The following EYA4 variants were observed in gnomAD, a reference collection of about 807,000 sequenced individuals.
The protein encoded by EYA4 is EYA transcriptional coactivator and phosphatase 4.
A neutral mutation model predicts 87.9 loss-of-function variants in EYA4; 31 were observed. That is an observed-to-expected ratio of 0.35 (90% confidence interval 0.27 to 0.48). EYA4 has a LOEUF of 0.48. EYA4 is among the 20% of genes least tolerant of loss of function. EYA4 has a pLI of 0.99. For synonymous variants in EYA4, 263 were observed against 270.6 expected, an observed-to-expected ratio of 0.97 and a Z score of 0.28; for missense variants, 678 against 761.4, an observed-to-expected ratio of 0.89 and a Z score of 1.29.
intron 1 of EYA4, among the ~76,000 whole-genome samples, chr6:133,259,431 G>T (rs984026602): frequency 3.9e-5 from 6 of 152,110 alleles, no homozygotes; most frequent in African/African-American, 1.4e-4. Flanking sequence ...AAGGTCTTTG[G>T]ATTTTTAGAA....
At chr6:133,451,925 A>G (rs556074269) in intron 5 of EYA4, among the ~76,000 whole-genome samples, 30 of 152,158 alleles carry the variant, frequency 2.0e-4, no homozygotes, top group Admixed American at 1.0e-3. Context: ...CAATAGAGCT[A>G]CCTACTGCTG....
intron 2 of EYA4, among the ~76,000 whole-genome samples, chr6:133,309,511 A>G (rs1780056823): frequency 6.6e-6 from 1 of 152,214 alleles, no homozygotes; most frequent in Non-Finnish European, 1.5e-5. Flanking sequence ...CCTTCTAGAC[A>G]TTTTCAAACA....
chr6:133,288,422 A>G (rs990300094), intron 2 of EYA4, among the ~76,000 whole-genome samples: 1 of 152,180 alleles, frequency 6.6e-6, no homozygotes, highest in Non-Finnish European at 1.5e-5. Context: ...CAAGGGGTGG[A>G]CTTGGAGGAG....
At chr6:133,512,543 T>C (rs539930119) in intron 14 of EYA4, among the ~76,000 whole-genome samples, 178 bp from the exon 15 acceptor site, 1 of 152,312 alleles carries the variant, frequency 6.6e-6, no homozygotes, top group Admixed American at 6.5e-5. Context: ...TTAAATTTTG[T>C]GGGGTAGAAA....
At chr6:133,497,366 T>C (rs1412430838) in intron 13 of EYA4, among the ~76,000 whole-genome samples, 1 of 152,218 alleles carries the variant, frequency 6.6e-6, no homozygotes, top group Non-Finnish European at 1.5e-5. Flanking sequence ...CTTCCATTTA[T>C]AAATTAAATT....
intron 3 of EYA4, among the ~76,000 whole-genome samples, chr6:133,384,463 G>A (rs1181378280): frequency 6.6e-6 from 1 of 152,116 alleles, no homozygotes; most frequent in Non-Finnish European, 1.5e-5. Flanking sequence ...TAATGTAAAT[G>A]GGTAAAATCA....
At chr6:133,393,499 G>A (rs1436923880) in intron 3 of EYA4, among the ~76,000 whole-genome samples, 1 of 152,044 alleles carries the variant, frequency 6.6e-6, no homozygotes, top group African/African-American at 2.4e-5. Context: ...CAAACTTGAA[G>A]GAAATGAATG....
chr6:133,391,227 T>TG (rs71003639), intron 3 of EYA4, among the ~76,000 whole-genome samples: 1,841 of 145,842 alleles, frequency 0.013, 42 homozygotes, highest in African/African-American at 0.041. Flanking sequence ...TTTTTGTTTT[T>TG]TTTTTTTTTT....
At chr6:133,461,258 C>G in intron 7 of EYA4, 78 bp downstream of exon 7, 1 of 1,027,064 alleles carries the variant, frequency 9.7e-7, no homozygotes, top group South Asian at 1.3e-5. Flanking sequence ...TTGGATAATA[C>G]TTGGATAGAT....
rs908153216 is a variant in EYA4, at chr6:133,377,628, C to A, written c.34-4764C>A. 5.1e-5 allele frequency among the ~76,000 whole-genome samples: 6 copies of A among 116,582 alleles called. No individual in the cohort carries two copies. In the East Asian group the frequency reaches 1.4e-3, roughly 26 times the overall value. 76.5% of individuals were successfully genotyped at this position (116,582 alleles called of 152,430 possible). A position where few individuals can be genotyped will look rare whatever the true frequency, so the allele number is the denominator to read the frequency against. ...TGGCGGAGGTGGATGCTAGAGATAT[C>A]TGGATAATTTTTTCAAAACTACTAT... On this transcript the variant is annotated intron_variant, in intron 2 of 19. Coordinates refer to ENST00000355286, the MANE Select transcript of EYA4 (RefSeq NM_004100.5).
intron 3 of EYA4, among the ~76,000 whole-genome samples, chr6:133,441,325 T>A (rs1445377390): frequency 6.6e-6 from 1 of 152,214 alleles, no homozygotes; most frequent in Non-Finnish European, 1.5e-5. Flanking sequence ...TTTATTTAGT[T>A]CTTTTTTAAG....
At chr6:133,484,517 AC>A (rs1796523761) in intron 13 of EYA4, among the ~76,000 whole-genome samples, 1 of 152,230 alleles carries the variant, frequency 6.6e-6, no homozygotes, top group African/African-American at 2.4e-5. Flanking sequence ...TTGTTTAACA[AC>A]CATTTACAAG....
chr6:133,515,730 A>G (rs1799544843), intron 17 of EYA4, among the ~76,000 whole-genome samples: 1 of 152,004 alleles, frequency 6.6e-6, no homozygotes, highest in African/African-American at 2.4e-5. Context: ...TTCTCATAGC[A>G]ACTGATAATC....
At chr6:133,522,104 T>C (rs1373678578) in intron 17 of EYA4, among the ~76,000 whole-genome samples, 1 of 146,452 alleles carries the variant, frequency 6.8e-6, no homozygotes, top group Non-Finnish European at 1.5e-5. Flanking sequence ...ACCCTAAAAC[T>C]TAAAGTATAA....
At chr6:133,357,543 T>C (rs963116755) in intron 2 of EYA4, among the ~76,000 whole-genome samples, 2 of 152,146 alleles carry the variant, frequency 1.3e-5, no homozygotes, top group African/African-American at 4.8e-5. Context: ...ATTCCCCAAA[T>C]ATCCTTCCAT....
At chr6:133,254,606 C>T (rs1249916372) in intron 1 of EYA4, among the ~76,000 whole-genome samples, 1 of 152,028 alleles carries the variant, frequency 6.6e-6, no homozygotes, top group East Asian at 1.9e-4. Flanking sequence ...ATTATTGTTT[C>T]CAATAGTTTC....
Position 133,481,607 on chromosome 6 carries a change from T to A in EYA4, c.1107+8T>A, listed in dbSNP as rs1335761809. 1.9e-6 allele frequency: 3 copies of A among 1,613,620 alleles called. No individual in the cohort carries two copies. Among genetic ancestry groups the A allele is most frequent in the Middle Eastern group, 3.3e-4 (2 of 6,054 alleles). On this transcript the variant is annotated splice_region_variant and intron_variant, in intron 12 of 19. Transcript: ENST00000355286. Reference sequence around the variant, plus strand: ...CCTGATAGTGACCTGGAGGTATGCCTACTCATTCTTAAAGATTGTAGTGTG... The same window carrying A: ...CCTGATAGTGACCTGGAGGTATGCCAACTCATTCTTAAAGATTGTAGTGTG...
chr6:133,330,844 G>A lies in EYA4; in HGVS notation c.34-51548G>A, dbSNP rs527781035. On this transcript the variant is annotated intron_variant, in intron 2 of 19. Coordinates refer to ENST00000355286, the MANE Select transcript of EYA4 (RefSeq NM_004100.5). The stretch of plus-strand genomic sequence containing the variant: ...ATATGTATCTTGTGCAAAGTGTGGC[G>A]AGAACAGTATGTTTACATCAGTGAA... Among the ~76,000 whole-genome samples, 421 of 151,842 alleles carry A rather than the reference G, an allele frequency of 2.8e-3. 5 individuals are homozygous for A. Among genetic ancestry groups the A allele is most frequent in the Non-Finnish European group, 4.4e-3 (300 of 67,922 alleles).
chr6:133,281,521 T>A (rs1183845629), intron 2 of EYA4, among the ~76,000 whole-genome samples: 1 of 152,234 alleles, frequency 6.6e-6, no homozygotes, highest in African/African-American at 2.4e-5. Context: ...TCCTATGATT[T>A]CTTATATGAA....
Sources: gnomAD v4.1 joint callset for allele counts (sites outside exome capture counted in the v4.1 genomes callset) on GRCh38, gnomAD v4.1.1 for gene constraint, MANE v1.5 for transcripts, NCBI Gene and HGNC (gene_info 2026-07-23, HGNC 2026-07-21) for gene names.